METTL9: variants seen among roughly 807,000 people sequenced by gnomAD.
METTL9 encodes methyltransferase 9, His-X-His N1(pi)-histidine.
In METTL9, 10 loss-of-function variants were observed where a neutral mutation model predicts 36.0. That is an observed-to-expected ratio of 0.28 (90% CI 0.17 to 0.47). The LOEUF (loss-of-function observed/expected upper bound fraction) is 0.47. Ranked by LOEUF, METTL9 falls within the 20% of genes least tolerant of loss-of-function variation. METTL9 has a pLI of 0.99. For missense variants in METTL9, 246 were observed against 383.5 expected (o/e 0.64, Z 3.00); for synonymous variants, 175 against 149.7 (o/e 1.17, Z -1.23).
At chr16:21,637,886 C>G (rs1256871377) in intron 4 of METTL9, among the ~76,000 whole-genome samples, 1 of 152,276 alleles carries the variant, frequency 6.6e-6, no homozygotes, top group East Asian at 1.9e-4. Flanking sequence ...TGAGAGCGAG[C>G]GAGGGCTGCT....
chr16:21,599,361 C>G (rs1965029215), upstream of METTL9: 7 of 1,021,632 alleles, frequency 6.9e-6, no homozygotes, highest in Non-Finnish European at 8.2e-6. The surrounding 1 kb of genome is among the most constrained non-coding windows in gnomAD (Gnocchi z 4.4). Context: ...TACTAGAGGC[C>G]AAGGCAGGGC....
chr16:21,637,878 A>AGAGC (rs1966145630), intron 4 of METTL9, among the ~76,000 whole-genome samples: 1 of 152,268 alleles, frequency 6.6e-6, no homozygotes, highest in Non-Finnish European at 1.5e-5. Context: ...GGAGGCGCTG[A>AGAGC]GAGCGAGCGA....
At chr16:21,653,023 T>G (rs907984985) in intron 4 of METTL9, 1 of 163,642 alleles carries the variant, frequency 6.1e-6, no homozygotes, top group African/African-American at 2.4e-5. Context: ...AGTGGCTTTG[T>G]GTAGAGATGA....
At chr16:21,638,051 C>G (rs1420797930) in intron 4 of METTL9, among the ~76,000 whole-genome samples, 2 of 152,200 alleles carry the variant, frequency 1.3e-5, no homozygotes, top group Non-Finnish European at 2.9e-5. Flanking sequence ...GGTGCGGTGG[C>G]TTATGCCTGT....
At chr16:21,618,223 C>A in intron 3 of METTL9, 149 bp downstream of exon 3, 1 of 718,504 alleles carries the variant, frequency 1.4e-6, no homozygotes, top group Non-Finnish European at 2.1e-6. Flanking sequence ...CTTCTGGTAG[C>A]AGTATTTTTC....
intron 3 of METTL9, among the ~76,000 whole-genome samples, chr16:21,619,647 A>T (rs1320839232): frequency 5.0e-5 from 7 of 140,240 alleles, no homozygotes; most frequent in Non-Finnish European, 7.5e-5. Context: ...TATGTTGGCC[A>T]GGCTGGTCTC....
At chr16:21,630,306 C>T (rs974500997) in intron 4 of METTL9, among the ~76,000 whole-genome samples, 1 of 152,256 alleles carries the variant, frequency 6.6e-6, no homozygotes, top group African/African-American at 2.4e-5. Context: ...ACCCGGAACC[C>T]ACGCTGGCTC....
At chr16:21,639,712 C>G (rs573814599) in intron 4 of METTL9, 1 of 152,208 alleles carries the variant, frequency 6.6e-6, no homozygotes, top group Admixed American at 6.5e-5. Flanking sequence ...TGTGCACTCA[C>G]GTGTACACAC....
At chr16:21,646,137 G>A (rs1966420459) in intron 4 of METTL9, among the ~76,000 whole-genome samples, 1 of 138,354 alleles carries the variant, frequency 7.2e-6, no homozygotes, top group Non-Finnish European at 1.5e-5. Context: ...ATCATGTAAA[G>A]CTTTTTCTCT....
Position 21,599,950 on chromosome 16 carries a change from G to A in METTL9, c.165+52G>A. ...GGGGGCGTGGCGGCCCGGCCTTCCC[G>A]CGCTGGGCCCGGCTATTGTGCGGGA... On this transcript the variant is annotated intron_variant, in intron 1 of 4. Transcript: ENST00000358154. This position sits in a 1 kb window ranked among gnomAD's most constrained non-coding sequence, Gnocchi z 4.4. 3 of 1,272,484 alleles carry A rather than the reference G, an allele frequency of 2.4e-6. No homozygotes were observed. The highest frequency in any genetic ancestry group is 3.0e-6 in the Non-Finnish European group (3 of 1,012,236). 78.8% of individuals were successfully genotyped at this position (1,272,484 alleles called of 1,614,324 possible).
chr16:21,643,262 C>CCCCCT (rs1966326215), intron 4 of METTL9: 1 of 778,886 alleles, frequency 1.3e-6, no homozygotes, highest in Admixed American at 2.1e-5. Context: ...CCAAAAACTA[C>CCCCCT]CCCCTCCCCC....
chr16:21,647,240 CTG>C (rs1966453933), intron 4 of METTL9: 1 of 1,614,070 alleles, frequency 6.2e-7, no homozygotes, highest in Admixed American at 1.7e-5. Context: ...TGAAGTCACT[CTG>C]TTTACAGTGA....
upstream of METTL9, chr16:21,597,286 A>T (rs1021737010): frequency 3.0e-5 from 39 of 1,288,938 alleles, no homozygotes; most frequent in Admixed American, 4.6e-5. Flanking sequence ...CTGGGATACC[A>T]AGTTCTATGA....
At chr16:21,652,492 A>G (rs1966602295) in intron 4 of METTL9, 2 of 1,512,154 alleles carry the variant, frequency 1.3e-6, no homozygotes, top group East Asian at 2.3e-5. Context: ...ATAGCAGTTG[A>G]TTTAAATAAA....
chr16:21,598,243 G>A (rs547848672), upstream of METTL9, among the ~76,000 whole-genome samples: 72 of 151,980 alleles, frequency 4.7e-4, no homozygotes, highest in Admixed American at 1.4e-3. Context: ...CAGCTGCTCG[G>A]GAGGCTGAGG....
intron 1 of METTL9, among the ~76,000 whole-genome samples, chr16:21,601,206 AATTGCAAAAC>A (rs1165549002): frequency 6.6e-6 from 1 of 152,156 alleles, no homozygotes; most frequent in East Asian, 1.9e-4. Context: ...TGTAAACTTA[AATTGCAAAAC>A]CACATTTATT....
At chr16:21,607,038 T>TTA (rs1341835773) in intron 1 of METTL9, among the ~76,000 whole-genome samples, 3 of 152,132 alleles carry the variant, frequency 2.0e-5, no homozygotes, top group Admixed American at 1.3e-4. Context: ...TCAACCAAGG[T>TTA]TATATATAAA....
At chr16:21,598,734 GA>G (rs1965012091), upstream of METTL9, among the ~76,000 whole-genome samples, 26 of 152,162 alleles carry the variant, frequency 1.7e-4, no homozygotes, top group Admixed American at 1.7e-3. Flanking sequence ...ACTGCTCCCA[GA>G]GCTGAGTTCA....
chr16:21,599,929 G>A lies in METTL9; in HGVS notation c.165+31G>A, dbSNP rs1179879752. ...GGCTGGGGCCGGGGCCGGGGCGGGG[G>A]CGTGGCGGCCCGGCCTTCCCGCGCT... On this transcript the variant is annotated intron_variant, in intron 1 of 4. Transcript: ENST00000358154. This position sits in a 1 kb window ranked among gnomAD's most constrained non-coding sequence, Gnocchi z 4.4. 1.6e-5 allele frequency: 21 copies of A among 1,308,820 alleles called. No individual in the cohort carries two copies. The highest frequency in any genetic ancestry group is 2.0e-5 in the Non-Finnish European group (21 of 1,034,994). 81.1% of individuals were successfully genotyped at this position (1,308,820 alleles called of 1,614,324 possible). A position where few individuals can be genotyped will look rare whatever the true frequency, so the allele number is the denominator to read the frequency against.
Sources: gnomAD v4.1 joint callset for allele counts (sites outside exome capture counted in the v4.1 genomes callset) on GRCh38, gnomAD v4.1.1 for gene constraint, Gnocchi (gnomAD v3.1) non-coding constraint, MANE v1.5 for transcripts, NCBI Gene and HGNC (gene_info 2026-07-23, HGNC 2026-07-21) for gene names.